The following DAB1 variants were observed in gnomAD, a reference collection of about 807,000 sequenced individuals.
DAB1 encodes the protein DAB adaptor protein 1.
In DAB1, 15 loss-of-function variants were observed where a neutral mutation model predicts 64.6. The ratio of observed to expected loss-of-function variants is 0.23; its 90% CI spans 0.16 to 0.36. The LOEUF is 0.36. DAB1 is among the 10% of genes least tolerant of loss of function. The probability of loss-of-function intolerance (pLI) is 1.00; values close to 1 mark genes in which losing one functional copy is unlikely to be tolerated. For synonymous variants in DAB1, 235 were observed against 251.9 expected (o/e 0.93, Z 0.64); for missense variants, 596 against 706.7 (o/e 0.84, Z 1.78).
intron 5 of DAB1, among the ~76,000 whole-genome samples, chr1:57,951,568 A>C (rs1645280361): frequency 6.6e-6 from 1 of 151,954 alleles, no homozygotes; most frequent in South Asian, 2.1e-4. Context: ...GGCACTTCCT[A>C]GCAGCAGAGC....
At chr1:58,335,063 C>G (rs773607042) in intron 4 of DAB1, among the ~76,000 whole-genome samples, 1 of 152,036 alleles carries the variant, frequency 6.6e-6, no homozygotes, top group South Asian at 2.1e-4. Flanking sequence ...ATAAAGAAAA[C>G]TAAAGCAGGG....
At chr1:58,191,730 C>T (rs1443512906) in intron 4 of DAB1, among the ~76,000 whole-genome samples, 1 of 152,232 alleles carries the variant, frequency 6.6e-6, no homozygotes, top group African/African-American at 2.4e-5. Context: ...TGCTGTAGAT[C>T]TGTATCCCCT....
At chr1:57,064,701 G>A (rs147582066) in intron 8 of DAB1, among the ~76,000 whole-genome samples, 66 of 152,210 alleles carry the variant, frequency 4.3e-4, no homozygotes, top group African/African-American at 1.5e-3. Flanking sequence ...GTTTCAAGTG[G>A]GCCTTTTCTT....
intron 6 of DAB1, among the ~76,000 whole-genome samples, chr1:57,663,310 C>T (rs1646408966): frequency 6.6e-6 from 1 of 152,178 alleles, no homozygotes; most frequent in Non-Finnish European, 1.5e-5. Flanking sequence ...TACCAGGCCC[C>T]TCCTCCAACA....
intron 5 of DAB1, among the ~76,000 whole-genome samples, chr1:57,991,864 A>AC: frequency 6.7e-6 from 1 of 149,962 alleles, no homozygotes; most frequent in African/African-American, 2.5e-5. Flanking sequence ...AAAAAAAAAA[A>AC]AAAAAGGAGT....
chr1:57,934,220 G>A (rs1357187965), intron 5 of DAB1, among the ~76,000 whole-genome samples: 7 of 152,034 alleles, frequency 4.6e-5, no homozygotes, highest in African/African-American at 9.7e-5. Flanking sequence ...CACTGCGCCC[G>A]GCCCTAGTCT....
At chr1:57,864,874 C>T (rs566560304) in intron 1 of DAB1, 123 of 151,986 alleles carry the variant, frequency 8.1e-4, no homozygotes, top group African/African-American at 2.5e-3. Context: ...AATGAAACAA[C>T]GCTTTGTAAA....
At chr1:57,634,223 G>C (rs1646025149) in intron 7 of DAB1, among the ~76,000 whole-genome samples, 1 of 152,200 alleles carries the variant, frequency 6.6e-6, no homozygotes, top group Non-Finnish European at 1.5e-5. Context: ...AGACAATAAT[G>C]TAAGATTTAG....
intron 7 of DAB1, among the ~76,000 whole-genome samples, chr1:57,435,333 G>A (rs1289672669): frequency 2.0e-5 from 3 of 152,056 alleles, no homozygotes; most frequent in Admixed American, 6.5e-5. Context: ...ACAGGCGTGA[G>A]CCACCTTGCT....
chr1:58,230,042 C>A (rs1454515448), intron 4 of DAB1, among the ~76,000 whole-genome samples: 3 of 152,198 alleles, frequency 2.0e-5, no homozygotes, highest in Admixed American at 1.3e-4. Context: ...TTAACCCCTA[C>A]ATCACGCCAT....
intron 4 of DAB1, among the ~76,000 whole-genome samples, chr1:58,188,549 A>C (rs1268883861): frequency 6.6e-6 from 1 of 152,210 alleles, no homozygotes; most frequent in African/African-American, 2.4e-5. Context: ...CCTGTCTAAT[A>C]CTAAGATCCC....
rs1171446553 is a variant in DAB1, at chr1:58,254,646, T to C, written n.309+88706A>G. ...CCTATAAGTGAGAATATGCGGTGTT[T>C]GGTTTTTTGTTCTTGCATAGTTTAC... is the stretch of plus-strand genomic sequence containing the variant. On this transcript the variant is annotated intron_variant and non_coding_transcript_variant, in intron 4 of 20. Transcript: ENST00000485760. 3.8e-4 allele frequency among the ~76,000 whole-genome samples: 2 copies of C among 5,272 alleles called. 1 individual carries two copies. The highest frequency in any genetic ancestry group is 4.3e-4 in the African/African-American group (2 of 4,698). The allele number at this position is 5,272 out of a possible 152,430, so 3.5% of individuals were successfully genotyped here.
At chr1:57,794,934 T>C (rs1407551204) in intron 6 of DAB1, among the ~76,000 whole-genome samples, 1 of 152,206 alleles carries the variant, frequency 6.6e-6, no homozygotes, top group African/African-American at 2.4e-5. Flanking sequence ...CTACAGACAC[T>C]TGGCCTAATA....
chr1:57,598,782 C>A (rs1411481211), intron 7 of DAB1, among the ~76,000 whole-genome samples: 1 of 152,114 alleles, frequency 6.6e-6, no homozygotes, highest in Non-Finnish European at 1.5e-5. Context: ...AAATCAAGAT[C>A]GAGTGGCCAG....
chr1:57,676,334 G>A (rs1646565923), intron 6 of DAB1, among the ~76,000 whole-genome samples: 2 of 152,222 alleles, frequency 1.3e-5, no homozygotes, highest in Admixed American at 6.5e-5. Flanking sequence ...CAATCAAGAA[G>A]CAGATAAGAA....
rs1275766097 is a variant in DAB1, at chr1:58,121,009, T to G, written n.387+29502A>C. Among the ~76,000 whole-genome samples, 7 of 152,132 alleles carry G rather than the reference T, an allele frequency of 4.6e-5. No homozygotes were observed. The South Asian group carries it at 1.2e-3, about 27-fold the overall frequency. ...GGTTCACTGACACCTCATTAGGGAC[T>G]TTGAAAAACATTCTGCTTCCAGGCA... On this transcript the variant is annotated intron_variant and non_coding_transcript_variant, in intron 5 of 20. Coordinates refer to the DAB1 transcript ENST00000485760.
chr1:57,835,179 G>C (rs1039127805), intron 1 of DAB1, among the ~76,000 whole-genome samples: 5 of 152,112 alleles, frequency 3.3e-5, no homozygotes, highest in African/African-American at 9.7e-5. Flanking sequence ...TCTATGCTTA[G>C]ACTAAAGAAC....
rs1244524756 is a variant in DAB1 at position 57,219,664 on chromosome 1, T to C, written c.67+71300A>G. Among the ~76,000 whole-genome samples the C allele has an allele frequency of 2.6e-5, 4 of 152,234 alleles. No individual in the cohort carries two copies. In the East Asian group the frequency reaches 7.7e-4, roughly 29 times the overall value. ...CTACTGAAGGTGCCTTGTGAGAAGG[T>C]GTGTGAGGGGACCCTGTGGCAGAGA... On this transcript the variant is annotated intron_variant, in intron 2 of 14. Transcript: ENST00000371236.
intron 4 of DAB1, among the ~76,000 whole-genome samples, chr1:58,261,331 G>C (rs1444105640): frequency 6.6e-6 from 1 of 152,110 alleles, no homozygotes; most frequent in Admixed American, 6.5e-5. Flanking sequence ...CATGGCCTTA[G>C]GTCCCTTAGC....
Sources: allele counts gnomAD v4.1 joint callset (sites outside exome capture counted in the v4.1 genomes callset), GRCh38; gene constraint gnomAD v4.1.1; transcripts MANE v1.5; gene names NCBI Gene and HGNC (gene_info 2026-07-23, HGNC 2026-07-21).